Variants in CPEB1 observed in about 807,000 individuals in gnomAD.
The protein encoded by CPEB1 is cytoplasmic polyadenylation element-binding protein 1.
A neutral mutation model predicts 65.8 loss-of-function variants in CPEB1; 7 were observed. That is an observed-to-expected ratio of 0.11 (90% CI 0.06 to 0.20). The LOEUF is 0.20. Ranked by LOEUF, CPEB1 falls within the 10% of genes least tolerant of loss-of-function variation. The pLI, the probability that CPEB1 is intolerant of heterozygous loss-of-function variation, is 1.00. For missense variants in CPEB1, 551 were observed against 712.2 expected (o/e 0.77, Z 2.58); for synonymous variants, 262 against 260.0 (o/e 1.01, Z -0.08).
intron 3 of CPEB1, among the ~76,000 whole-genome samples, chr15:82,626,074 CGCACCACT>C (rs2151312945): frequency 6.6e-6 from 1 of 151,422 alleles, no homozygotes; most frequent in South Asian, 2.1e-4. Flanking sequence ...GAGCTGAGAT[CGCACCACT>C]GCATTCCAAC....
chr15:82,544,531 A>T lies in CPEB1; in HGVS notation c.*61T>A. On this transcript the variant is annotated 3_prime_UTR_variant, in exon 13 of 13. Coordinates refer to ENST00000684509, the MANE Select transcript of CPEB1 (RefSeq NM_001365242.1). ...CTGGTCGCCAGTGGCAGGGTGGTGC[A>T]GGCTGCTTGCCTGACCTGCCAGCTT... The T allele has an allele frequency of 7.7e-7, 1 of 1,301,768 alleles. No homozygotes were observed. 80.6% of individuals were successfully genotyped at this position (1,301,768 alleles called of 1,614,324 possible). A position where few individuals can be genotyped will look rare whatever the true frequency, so the allele number is the denominator to read the frequency against.
In CPEB1 at chr15:82,645,342, G is replaced by A. The variant is rs150456333; in HGVS notation, c.-98+1795C>T. ...TAATTTTTGTATTTTTAGGAGAGAC[G>A]GGAATTCACCTTGTTGGCCAGGCTG... On this transcript the variant is annotated intron_variant, in intron 1 of 12. Transcript: ENST00000684509. Among the ~76,000 whole-genome samples, 360 of 152,046 alleles carry A rather than the reference G, an allele frequency of 2.4e-3. 3 individuals are homozygous for A. The highest frequency in any genetic ancestry group is 7.9e-3 in the African/African-American group (329 of 41,486).
chr15:82,571,949 A>C (rs2040098179), intron 3 of CPEB1: 1 of 735,896 alleles, frequency 1.4e-6, no homozygotes, highest in Admixed American at 5.9e-5. Flanking sequence ...GTCCCGGTGC[A>C]GTGCCGTTAA....
At chr15:82,647,104 C>G (rs1427072971) in intron 1 of CPEB1, 33 bp downstream of exon 1, 1 of 152,780 alleles carries the variant, frequency 6.5e-6, no homozygotes, top group African/African-American at 2.4e-5. Flanking sequence ...GGCCTGCAAG[C>G]CTAACCCTCT....
At chr15:82,591,219 G>C (rs2151147494) in intron 3 of CPEB1, among the ~76,000 whole-genome samples, 1 of 152,202 alleles carries the variant, frequency 6.6e-6, no homozygotes, top group Middle Eastern at 3.4e-3. Context: ...ATCCTGACTG[G>C]TGTGAGGTAG....
intron 5 of CPEB1, among the ~76,000 whole-genome samples, chr15:82,556,866 C>G (rs902152344): frequency 1.3e-5 from 2 of 152,174 alleles, no homozygotes; most frequent in African/African-American, 2.4e-5. Context: ...AACACCATCG[C>G]CAACTTCCAT....
intron 10 of CPEB1, among the ~76,000 whole-genome samples, chr15:82,549,084 A>G (rs1375178720): frequency 6.6e-6 from 1 of 152,212 alleles, no homozygotes; most frequent in African/African-American, 2.4e-5. Flanking sequence ...GCTTTTCAAG[A>G]ACTTTTAATA....
At chr15:82,574,718 G>T (rs2040450350) in intron 3 of CPEB1, among the ~76,000 whole-genome samples, 1 of 48,436 alleles carries the variant, frequency 2.1e-5, no homozygotes, top group African/African-American at 1.2e-4. Context: ...GCTAGACTCG[G>T]TCTCAAAAAA....
chr15:82,588,600 T>C (rs1450947462), intron 3 of CPEB1, among the ~76,000 whole-genome samples: 1 of 152,160 alleles, frequency 6.6e-6, no homozygotes, highest in Non-Finnish European at 1.5e-5. Flanking sequence ...CTGCTTCTAG[T>C]AGTTTTTATT....
intron 3 of CPEB1, among the ~76,000 whole-genome samples, chr15:82,582,010 T>G (rs151249507): frequency 6.6e-6 from 1 of 152,234 alleles, no homozygotes; most frequent in African/African-American, 2.4e-5. Flanking sequence ...GAAAAAGAAC[T>G]ATTTCCTGAT....
At chr15:82,621,753 C>T (rs535106022) in intron 3 of CPEB1, among the ~76,000 whole-genome samples, 3 of 152,138 alleles carry the variant, frequency 2.0e-5, no homozygotes, top group Non-Finnish European at 2.9e-5. Context: ...TGGAGCTCTT[C>T]GCCTATGATA....
intron 3 of CPEB1, among the ~76,000 whole-genome samples, chr15:82,603,126 C>T (rs1239699459): frequency 1.3e-5 from 2 of 151,940 alleles, no homozygotes; most frequent in Non-Finnish European, 2.9e-5. Context: ...ATACCTTCCT[C>T]TCTAGCTCTA....
intron 3 of CPEB1, among the ~76,000 whole-genome samples, chr15:82,621,511 C>G (rs1228647722): frequency 6.6e-6 from 1 of 151,940 alleles, no homozygotes; most frequent in Non-Finnish European, 1.5e-5. Flanking sequence ...ATACCAGCTA[C>G]TCAGGAGGCT....
At chr15:82,597,078 C>G (rs2042721497) in intron 3 of CPEB1, among the ~76,000 whole-genome samples, 1 of 152,136 alleles carries the variant, frequency 6.6e-6, no homozygotes, top group South Asian at 2.1e-4. Flanking sequence ...AATCCCAGTG[C>G]TTTTGGAGGC....
At chr15:82,561,880 G>C (rs540858131) in intron 4 of CPEB1, among the ~76,000 whole-genome samples, 1 of 152,162 alleles carries the variant, frequency 6.6e-6, no homozygotes, top group Non-Finnish European at 1.5e-5. Flanking sequence ...ACTCTACTTC[G>C]TTAAGTGCTC....
At chr15:82,593,548 A>G (rs998812350) in intron 3 of CPEB1, among the ~76,000 whole-genome samples, 1 of 152,204 alleles carries the variant, frequency 6.6e-6, no homozygotes, top group African/African-American at 2.4e-5. Context: ...AAAGTCATCT[A>G]TGAAGTTTGG....
At chr15:82,569,158 C>T (rs1027965737) in intron 4 of CPEB1, among the ~76,000 whole-genome samples, 2 of 152,218 alleles carry the variant, frequency 1.3e-5, no homozygotes, top group African/African-American at 2.4e-5. Flanking sequence ...CATGTTCCCG[C>T]ATTGCTGGTG....
chr15:82,579,888 C>T (rs573996861), intron 3 of CPEB1, among the ~76,000 whole-genome samples: 9 of 114,158 alleles, frequency 7.9e-5, no homozygotes, highest in Admixed American at 1.2e-4. Context: ...GTCTGCAGTC[C>T]GGCCTGGGCG....
chr15:82,628,237 TGACTTCACA>T (rs1259027791), intron 2 of CPEB1, 118 bp downstream of exon 2: 10 of 702,750 alleles, frequency 1.4e-5, no homozygotes, highest in Non-Finnish European at 2.6e-5. Flanking sequence ...ATGTTGTACA[TGACTTCACA>T]GATTTACCAC....
Sources: allele counts gnomAD v4.1 joint callset (sites outside exome capture counted in the v4.1 genomes callset), GRCh38; gene constraint gnomAD v4.1.1; transcripts MANE v1.5; gene names NCBI Gene and HGNC (gene_info 2026-07-23, HGNC 2026-07-21).